The following NAV3 variants were observed in gnomAD, a reference collection of about 807,000 sequenced individuals.
NAV3 encodes the protein pore membrane and/or filament interacting like protein 1.
In NAV3, 87 loss-of-function variants were observed where a neutral mutation model predicts 244.7. That is an observed-to-expected ratio of 0.36 (90% CI 0.30 to 0.42). The LOEUF (loss-of-function observed/expected upper bound fraction) is 0.42, where lower values mean the gene tolerates loss of function less well. Among genes scored for constraint, NAV3 ranks in the 20% least tolerant of loss-of-function variants. The pLI is 1.00. For missense variants in NAV3, 2,663 were observed against 2,893.3 expected (o/e 0.92, Z 1.83); for synonymous variants, 1,126 against 1,042.2 (o/e 1.08, Z -1.55).
intron 6 of NAV3, among the ~76,000 whole-genome samples, chr12:77,995,180 AT>A (rs1457678463): frequency 6.6e-6 from 1 of 152,208 alleles, no homozygotes; most frequent in African/African-American, 2.4e-5. Flanking sequence ...TCCAAGTCAC[AT>A]AATCTGGAAG....
At chr12:78,198,708 T>G in intron 36 of NAV3, 32 bp downstream of exon 36, 2 of 1,367,952 alleles carry the variant, frequency 1.5e-6, no homozygotes, top group Non-Finnish European at 2.0e-6. Flanking sequence ...TTTTGTTTTG[T>G]TTTTTTGTTT....
chr12:77,572,572 A>T (rs73133948), intron 2 of NAV3, among the ~76,000 whole-genome samples: 6,802 of 152,218 alleles, frequency 0.045, 270 homozygotes, highest in African/African-American at 0.1. Flanking sequence ...ACCCAGGGTG[A>T]GGCATGAGTC....
intron 1 of NAV3, among the ~76,000 whole-genome samples, chr12:77,929,541 C>T (rs1418696134): frequency 2.0e-5 from 3 of 152,148 alleles, no homozygotes; most frequent in Non-Finnish European, 2.9e-5. Flanking sequence ...TCCGTAAATA[C>T]GGCTTTTCTA....
chr12:78,053,315 T>C (rs1008577999), intron 11 of NAV3, among the ~76,000 whole-genome samples: 5 of 152,002 alleles, frequency 3.3e-5, no homozygotes, highest in African/African-American at 1.2e-4. Flanking sequence ...TTATTCATGG[T>C]ACTTCTCTTC....
intron 23 of NAV3, among the ~76,000 whole-genome samples, chr12:78,162,288 C>A (rs1457376215): frequency 6.6e-6 from 1 of 152,054 alleles, no homozygotes; most frequent in African/African-American, 2.4e-5. Context: ...TTCTTAAACT[C>A]CCTTCCCCAA....
intron 2 of NAV3, among the ~76,000 whole-genome samples, chr12:77,609,569 C>T (rs1870819810): frequency 6.6e-6 from 1 of 151,976 alleles, no homozygotes; most frequent in African/African-American, 2.4e-5. Context: ...TAAAAGTTAG[C>T]TTATAGGGCC....
At chr12:77,912,902 C>T (rs984385100) in intron 1 of NAV3, among the ~76,000 whole-genome samples, 3 of 151,986 alleles carry the variant, frequency 2.0e-5, no homozygotes, top group Non-Finnish European at 4.4e-5. Flanking sequence ...GTGAGCCATG[C>T]CGTTTTACAT....
At chr12:77,916,224 G>A (rs1046449727) in intron 1 of NAV3, among the ~76,000 whole-genome samples, 14 of 151,972 alleles carry the variant, frequency 9.2e-5, no homozygotes, top group African/African-American at 3.4e-4. Context: ...GCACCATAAT[G>A]TTTTAAATAA....
At chr12:77,710,355 A>G (rs73410451) in intron 2 of NAV3, among the ~76,000 whole-genome samples, 3,943 of 149,022 alleles carry the variant, frequency 0.026, 100 homozygotes, top group African/African-American at 0.068. Context: ...CTGGGCAACT[A>G]TTACCTGTGT....
chr12:77,817,119 CCTTA>C (rs1438962070), intron 2 of NAV3, among the ~76,000 whole-genome samples: 1 of 152,118 alleles, frequency 6.6e-6, no homozygotes, highest in Non-Finnish European at 1.5e-5. Flanking sequence ...GACCTTTAAT[CCTTA>C]CTTACTGCAT....
chr12:78,082,324 C>A (rs1953399253), intron 12 of NAV3, among the ~76,000 whole-genome samples: 1 of 152,090 alleles, frequency 6.6e-6, no homozygotes, highest in Admixed American at 6.5e-5. Context: ...AATACACAGG[C>A]ATATGCATTA....
intron 2 of NAV3, among the ~76,000 whole-genome samples, chr12:77,726,088 A>G (rs973744997): frequency 6.6e-6 from 1 of 151,912 alleles, no homozygotes; most frequent in Admixed American, 6.6e-5. Flanking sequence ...TTCCCTTTCC[A>G]TCTCATATAT....
At chr12:77,877,934 T>C (rs1468723033) in intron 1 of NAV3, among the ~76,000 whole-genome samples, 1 of 152,162 alleles carries the variant, frequency 6.6e-6, no homozygotes, top group Non-Finnish European at 1.5e-5. Flanking sequence ...AAAGACACTT[T>C]ATCTCTGGTC....
intron 12 of NAV3, among the ~76,000 whole-genome samples, chr12:78,072,921 G>T (rs79970438): frequency 7.3e-6 from 1 of 137,852 alleles, no homozygotes; most frequent in Admixed American, 7.3e-5. Context: ...TATAAACAGA[G>T]CCAAAGACAA....
At chr12:77,769,998 AG>A (rs1869994516) in intron 2 of NAV3, among the ~76,000 whole-genome samples, 1 of 152,196 alleles carries the variant, frequency 6.6e-6, no homozygotes, top group South Asian at 2.1e-4. Context: ...TTCTGTTTAC[AG>A]AGTTAGAGAA....
chr12:78,147,391 G>A (rs1956905648), intron 21 of NAV3, among the ~76,000 whole-genome samples: 1 of 151,956 alleles, frequency 6.6e-6, no homozygotes, highest in East Asian at 1.9e-4. Context: ...TGTATCATGA[G>A]TTATGGTTTA....
intron 38 of NAV3, among the ~76,000 whole-genome samples, chr12:78,203,924 A>G (rs1960011798): frequency 6.6e-6 from 1 of 151,750 alleles, no homozygotes; most frequent in African/African-American, 2.4e-5. Context: ...CAGCTTAAAA[A>G]TGTTTAACAT....
chr12:77,740,791 G>A (rs981645528), intron 2 of NAV3, among the ~76,000 whole-genome samples: 3 of 152,030 alleles, frequency 2.0e-5, no homozygotes, highest in Non-Finnish European at 2.9e-5. Flanking sequence ...CTTACTGGGG[G>A]GCTATGAGAA....
At chr12:77,586,699 C>A (rs1453179961) in intron 2 of NAV3, among the ~76,000 whole-genome samples, 1 of 152,162 alleles carries the variant, frequency 6.6e-6, no homozygotes, top group Non-Finnish European at 1.5e-5. Context: ...ATCCACTCGT[C>A]ACGTGTGGCT....
Sources: allele counts gnomAD v4.1 joint callset (sites outside exome capture counted in the v4.1 genomes callset), GRCh38; gene constraint gnomAD v4.1.1; transcripts MANE v1.5; gene names NCBI Gene and HGNC (gene_info 2026-07-23, HGNC 2026-07-21).